The following PCDHGA4 variants were observed in gnomAD, a reference collection of about 807,000 sequenced individuals.
PCDHGA4 encodes protocadherin gamma-A4.
In PCDHGA4, 38 loss-of-function variants were observed where a neutral mutation model predicts 54.6. That is an observed-to-expected ratio of 0.70 (90% CI 0.54 to 0.91). The LOEUF is 0.91. Ranked by LOEUF, PCDHGA4 falls within the 40% of genes least tolerant of loss-of-function variation. The pLI is 0.00. For synonymous variants in PCDHGA4, 511 were observed against 512.9 expected (o/e 1.00, Z 0.05); for missense variants, 1,298 against 1,220.9 (o/e 1.06, Z -0.94).
At chr5:141,376,603 G>A (rs1772884003) in intron 1 of PCDHGA4, 1 of 1,516,632 alleles carries the variant, frequency 6.6e-7, no homozygotes, top group East Asian at 2.3e-5. Context: ...TGTTATAGAA[G>A]CGAACCTCTT....
In PCDHGA4 at chr5:141,477,813, A is replaced by T; in HGVS notation, c.2515-16994A>T. ...ACTGATCGCAATGACAATGCCCCCC[A>T]GGTCCTATATCCTCGGCCAGGTGGG... On this transcript the variant is annotated intron_variant, in intron 1 of 3. Coordinates refer to ENST00000571252, the MANE Select transcript of PCDHGA4 (RefSeq NM_018917.4). The surrounding 1 kb of genome is among the most constrained non-coding windows in gnomAD (Gnocchi z 4.9). The T allele has an allele frequency of 6.2e-7, 1 of 1,614,122 alleles. No homozygotes were observed. The highest frequency in any genetic ancestry group is 1.1e-5 in the South Asian group (1 of 91,084).
At chr5:141,378,951 C>T (rs1775267163) in intron 1 of PCDHGA4, 1 of 152,180 alleles carries the variant, frequency 6.6e-6, no homozygotes, top group South Asian at 2.1e-4. Context: ...GAATGGAGTA[C>T]AGGGGATTCT....
chr5:141,506,666 C>A (rs894880559), intron 3 of PCDHGA4, among the ~76,000 whole-genome samples: 2 of 152,120 alleles, frequency 1.3e-5, no homozygotes, highest in South Asian at 4.1e-4. Context: ...AGAGTAAGGG[C>A]ACAATATATT....
At position 141,356,859 on chromosome 5, in the gene PCDHGA4, G is replaced by A. The variant is rs1198453770; in HGVS notation, c.1752G>A (p.Leu584=). ...SSNVSLSLFV[L]DQNDNVPEIL... ...ATGTGTCACTGAGCCTCTTTGTGCT[G>A]GACCAGAACGACAATGTCCCTGAGA... Residue 584 remains leucine (L), a synonymous_variant, in exon 1 of 4, where the codon CTG becomes CTA. Coordinates refer to ENST00000571252, the MANE Select transcript of PCDHGA4 (RefSeq NM_018917.4). 6.2e-7 allele frequency: 1 copy of A among 1,614,038 alleles called. No homozygotes were observed. The highest frequency in any genetic ancestry group is 8.5e-7 in the Non-Finnish European group (1 of 1,180,034).
chr5:141,486,391 C>T lies in PCDHGA4; in HGVS notation c.2515-8416C>T. The T allele has an allele frequency of 6.2e-7, 1 of 1,614,112 alleles. No individual in the cohort carries two copies. The highest frequency in any genetic ancestry group is 8.5e-7 in the Non-Finnish European group (1 of 1,179,984). Reference sequence around the variant, plus strand: ...AGTCTGCCTTCAGGAACCAGTTCTCCCTGGTGACTGCTGGACCCTTGGATC... The same window carrying T: ...AGTCTGCCTTCAGGAACCAGTTCTCTCTGGTGACTGCTGGACCCTTGGATC... On this transcript the variant is annotated intron_variant, in intron 1 of 3. Transcript: ENST00000571252. The surrounding 1 kb of genome is among the most constrained non-coding windows in gnomAD (Gnocchi z 5.0).
At chr5:141,379,467 G>A (rs1337785290) in intron 1 of PCDHGA4, 1 of 152,222 alleles carries the variant, frequency 6.6e-6, no homozygotes, top group Non-Finnish European at 1.5e-5. Context: ...CTCTGAAAGT[G>A]TGAATGTTAT....
Position 141,489,629 on chromosome 5 carries a change from C to G in PCDHGA4, c.2515-5178C>G. 6.2e-7 allele frequency: 1 copy of G among 1,614,142 alleles called. No individual in the cohort carries two copies. The highest frequency in any genetic ancestry group is 8.5e-7 in the Non-Finnish European group (1 of 1,180,014). On this transcript the variant is annotated intron_variant, in intron 1 of 3. Coordinates refer to ENST00000571252, the MANE Select transcript of PCDHGA4 (RefSeq NM_018917.4). The surrounding 1 kb of genome is among the most constrained non-coding windows in gnomAD (Gnocchi z 4.5). Reference sequence around the variant, plus strand: ...GAGATCCTGGATCTCAATGACAACTCTCCTAGCTTTGCCACCCCTGAGCGA... The same window carrying G: ...GAGATCCTGGATCTCAATGACAACTGTCCTAGCTTTGCCACCCCTGAGCGA...
chr5:141,364,224 C>A (rs538812851), intron 1 of PCDHGA4: 2 of 1,356,132 alleles, frequency 1.5e-6, no homozygotes, highest in East Asian at 5.0e-5. Flanking sequence ...GAAAAGCCAA[C>A]GCTCCACGCC....
chr5:141,475,821 G>T, intron 1 of PCDHGA4: 1 of 352,534 alleles, frequency 2.8e-6, no homozygotes, highest in Non-Finnish European at 5.1e-6. Context: ...AGTTCCTGGC[G>T]CTAGCGCGTG....
chr5:141,432,126 C>T lies in PCDHGA4; in HGVS notation c.2515-62681C>T. ...AACCCGCCGGTCTTCCCTCAGGCCTCCTATTCCGCTTATATCCCAGAGAAC... is the reference window on the plus strand; with the variant it reads ...AACCCGCCGGTCTTCCCTCAGGCCTTCTATTCCGCTTATATCCCAGAGAAC... On this transcript the variant is annotated intron_variant, in intron 1 of 3. Coordinates refer to ENST00000571252, the MANE Select transcript of PCDHGA4 (RefSeq NM_018917.4). This position sits in a 1 kb window ranked among gnomAD's most constrained non-coding sequence, Gnocchi z 6.0. The T allele has an allele frequency of 1.2e-6, 2 of 1,614,144 alleles. No homozygotes were observed. Among genetic ancestry groups the T allele is most frequent in the Non-Finnish European group, 1.7e-6 (2 of 1,180,028 alleles).
intron 1 of PCDHGA4, chr5:141,360,571 A>T: frequency 1.2e-6 from 2 of 1,613,992 alleles, no homozygotes; most frequent in Non-Finnish European, 1.7e-6. Flanking sequence ...TGGCGAATCC[A>T]CTAAGCCAGG....
intron 1 of PCDHGA4, among the ~76,000 whole-genome samples, chr5:141,482,188 G>C (rs1178289472): frequency 2.6e-5 from 4 of 152,122 alleles, no homozygotes; most frequent in African/African-American, 9.7e-5. Context: ...CGATGCTCCA[G>C]TTCTAGTAAA....
intron 1 of PCDHGA4, chr5:141,421,421 T>A (rs982627903): frequency 6.2e-7 from 1 of 1,613,876 alleles, no homozygotes; most frequent in Non-Finnish European, 8.5e-7. Flanking sequence ...AAGCGCGGAG[T>A]CCGCATCGTC....
At chr5:141,462,043 G>C (rs1310987622) in intron 1 of PCDHGA4, among the ~76,000 whole-genome samples, 1 of 152,100 alleles carries the variant, frequency 6.6e-6, no homozygotes, top group Non-Finnish European at 1.5e-5. Flanking sequence ...GGCGGGTCTT[G>C]AACTCCCGAC....
At chr5:141,374,679 C>CAAGT (rs755200801) in intron 1 of PCDHGA4, 1 of 1,610,324 alleles carries the variant, frequency 6.2e-7, no homozygotes, top group Admixed American at 1.7e-5. Context: ...CTGGAGGGCA[C>CAAGT]ACTGGACCGG....
chr5:141,511,084 C>G lies in PCDHGA4; in HGVS notation c.2800C>G (p.Leu934Val). 1 of 1,614,236 alleles carries G rather than the reference C, an allele frequency of 6.2e-7. No homozygotes were observed. Among genetic ancestry groups the G allele is most frequent in the Non-Finnish European group, 8.5e-7 (1 of 1,180,030 alleles). The change falls in exon 4 of 4, where the codon CTG becomes GTG. Residue 934 changes from leucine (L) to valine (V), a missense_variant. Leu to Val is a conservative substitution (Grantham distance 32). Coordinates refer to ENST00000571252, the MANE Select transcript of PCDHGA4 (RefSeq NM_018917.4). Reference sequence around the variant, plus strand: ...CTACATCCCAGGCAGCAATGCCACACTGACCAACGCAGCTGGCAAGCGGGA... The same window carrying G: ...CTACATCCCAGGCAGCAATGCCACAGTGACCAACGCAGCTGGCAAGCGGGA... ...NVYIPGSNAT[L>V]TNAAGKRDGK...
At chr5:141,399,760 C>T in intron 1 of PCDHGA4, 3 of 1,613,342 alleles carry the variant, frequency 1.9e-6, no homozygotes, top group Non-Finnish European at 2.5e-6. Flanking sequence ...CGTGAGCCTG[C>T]GCGTGTTGGT....
chr5:141,364,897 A>G (rs780576369), intron 1 of PCDHGA4: 1 of 1,613,970 alleles, frequency 6.2e-7, no homozygotes, highest in Non-Finnish European at 8.5e-7. Context: ...CTGATGGACA[A>G]AAGTATCCGG....
At chr5:141,367,190 T>C (rs1025427411) in intron 1 of PCDHGA4, 2 of 158,754 alleles carry the variant, frequency 1.3e-5, no homozygotes, top group South Asian at 1.8e-4. Flanking sequence ...AAGGAAATAA[T>C]TTACAGTATT....
Sources: gnomAD v4.1 joint callset for allele counts (sites outside exome capture counted in the v4.1 genomes callset) on GRCh38, gnomAD v4.1.1 for gene constraint, Gnocchi (gnomAD v3.1) non-coding constraint, MANE v1.5 for transcripts, NCBI Gene and HGNC (gene_info 2026-07-23, HGNC 2026-07-21) for gene names.